The following PDSS2 variants were observed in gnomAD, a reference collection of about 807,000 sequenced individuals.
The protein encoded by PDSS2 is decaprenyl diphosphate synthase subunit 2.
In PDSS2, 31 loss-of-function variants were observed where a neutral mutation model predicts 44.5. The observed-to-expected ratio is 0.70, with a 90% CI of 0.52 to 0.94. The LOEUF is 0.94. PDSS2 is among the 40% of genes least tolerant of loss of function. The pLI, the probability that PDSS2 is intolerant of heterozygous loss-of-function variation, is 0.00. For missense variants in PDSS2, 452 were observed against 482.2 expected, an observed-to-expected ratio of 0.94 and a Z score of 0.59; for synonymous variants, 157 against 180.3, an observed-to-expected ratio of 0.87 and a Z score of 1.03.
At chr6:107,220,746 A>G (rs1012794667) in intron 4 of PDSS2, among the ~76,000 whole-genome samples, 1 of 152,180 alleles carries the variant, frequency 6.6e-6, no homozygotes, top group East Asian at 1.9e-4. Context: ...TAGTCCCCTG[A>G]AATCTACTAC....
intron 7 of PDSS2, among the ~76,000 whole-genome samples, chr6:107,161,348 C>G (rs1159891291): frequency 6.6e-6 from 1 of 151,908 alleles, no homozygotes; most frequent in Non-Finnish European, 1.5e-5. Context: ...GGCGTGGTGC[C>G]GGGCGCCTGT....
chr6:107,284,527 G>T lies in PDSS2; in HGVS notation c.432-10300C>A, dbSNP rs1021395012. Among the ~76,000 whole-genome samples the T allele has an allele frequency of 2.0e-5, 3 of 152,012 alleles. No homozygotes were observed. The East Asian group carries it at 5.8e-4, about 29-fold the overall frequency. On this transcript the variant is annotated intron_variant, in intron 2 of 7. Coordinates refer to ENST00000369037, the MANE Select transcript of PDSS2 (RefSeq NM_020381.4). ...AATACAAAAATTAGCCTGGCGTGGT[G>T]GCAGGCGCCTGTAATCCCAGCTACT...
chr6:107,439,580 T>C (rs1231838884), intron 1 of PDSS2, among the ~76,000 whole-genome samples: 1 of 152,208 alleles, frequency 6.6e-6, no homozygotes, highest in Non-Finnish European at 1.5e-5. Flanking sequence ...GACCTGAGCA[T>C]TATGTTACAG....
intron 7 of PDSS2, among the ~76,000 whole-genome samples, chr6:107,158,099 C>T (rs1260364998): frequency 4.6e-5 from 7 of 151,538 alleles, no homozygotes; most frequent in African/African-American, 1.5e-4. Flanking sequence ...ATTATACAGT[C>T]AAGAGAACAG....
chr6:107,205,008 T>G (rs1384070880), intron 6 of PDSS2, among the ~76,000 whole-genome samples: 1 of 152,218 alleles, frequency 6.6e-6, no homozygotes, highest in Non-Finnish European at 1.5e-5. Context: ...GATATTAATA[T>G]TATTCCTTTT....
At chr6:107,444,792 C>T (rs940392645) in intron 1 of PDSS2, among the ~76,000 whole-genome samples, 2 of 152,086 alleles carry the variant, frequency 1.3e-5, no homozygotes, top group African/African-American at 4.8e-5. Flanking sequence ...CAGTAGTGAA[C>T]TCAGGAACAT....
chr6:107,411,045 T>C (rs1163105874), intron 1 of PDSS2, among the ~76,000 whole-genome samples: 1 of 151,968 alleles, frequency 6.6e-6, no homozygotes, highest in South Asian at 2.1e-4. Flanking sequence ...CTACCATGCC[T>C]GGCTAATTTT....
chr6:107,196,379 A>C (rs1227367401), intron 6 of PDSS2, among the ~76,000 whole-genome samples: 1 of 152,172 alleles, frequency 6.6e-6, no homozygotes, highest in Admixed American at 6.5e-5. Flanking sequence ...CCTGTGACCA[A>C]AATTTCATCA....
chr6:107,234,445 T>G (rs1239198107), intron 4 of PDSS2, among the ~76,000 whole-genome samples: 2 of 152,078 alleles, frequency 1.3e-5, no homozygotes, highest in African/African-American at 4.8e-5. Context: ...CCTTAGGTGA[T>G]CCACCCACCT....
intron 7 of PDSS2, among the ~76,000 whole-genome samples, chr6:107,156,816 G>A (rs1388420691): frequency 6.6e-6 from 1 of 152,156 alleles, no homozygotes; most frequent in East Asian, 1.9e-4. Context: ...TGGCAGCCGA[G>A]GTTGTGAAAT....
intron 7 of PDSS2, among the ~76,000 whole-genome samples, chr6:107,169,088 A>G (rs1554248067): frequency 6.7e-6 from 1 of 150,304 alleles, no homozygotes; most frequent in Admixed American, 6.7e-5. Context: ...ACTTGGTTCC[A>G]TTTTCCCTGT....
At chr6:107,356,556 T>C (rs982744829) in intron 1 of PDSS2, among the ~76,000 whole-genome samples, 1 of 152,340 alleles carries the variant, frequency 6.6e-6, no homozygotes, top group South Asian at 2.1e-4. Flanking sequence ...ATGAATGTCA[T>C]AGATCATAAA....
chr6:107,161,510 C>CT lies in PDSS2; in HGVS notation c.1042-6734dup, dbSNP rs1771133197. On this transcript the variant is annotated intron_variant, in intron 7 of 7. Coordinates refer to ENST00000369037, the MANE Select transcript of PDSS2 (RefSeq NM_020381.4). ...AAAAAAAAAAAAAAAGAAATTTGTA[C>CT]TTTTAAAAAGTGTTCAATTTGTATT... is the stretch of plus-strand genomic sequence containing the variant. Among the ~76,000 whole-genome samples, 3 of 150,312 alleles carry CT rather than the reference C, an allele frequency of 2.0e-5. No homozygotes were observed. The South Asian group carries it at 6.3e-4, about 32-fold the overall frequency.
At chr6:107,409,767 G>A (rs991776534) in intron 1 of PDSS2, among the ~76,000 whole-genome samples, 1 of 152,108 alleles carries the variant, frequency 6.6e-6, no homozygotes, top group African/African-American at 2.4e-5. Flanking sequence ...AAGTAGACAC[G>A]GTTCCTGCCC....
intron 1 of PDSS2, among the ~76,000 whole-genome samples, chr6:107,386,609 A>G (rs1282063790): frequency 6.6e-6 from 1 of 152,200 alleles, no homozygotes; most frequent in Non-Finnish European, 1.5e-5. Flanking sequence ...CAATCTCCTC[A>G]TTTCATAAAA....
chr6:107,284,951 G>A (rs561169802), intron 2 of PDSS2, among the ~76,000 whole-genome samples: 1 of 152,312 alleles, frequency 6.6e-6, no homozygotes, highest in East Asian at 1.9e-4. Flanking sequence ...TCTGAGGTAA[G>A]CTTTATTATC....
At chr6:107,397,233 A>G (rs319122) in intron 1 of PDSS2, among the ~76,000 whole-genome samples, 110,279 of 151,276 alleles carry the variant, frequency 0.73, 40,608 homozygotes, top group Middle Eastern at 0.8. Flanking sequence ...AAACTGTAAT[A>G]TAGTAATACT....
chr6:107,413,914 A>G (rs971861761), intron 1 of PDSS2, among the ~76,000 whole-genome samples: 16 of 152,220 alleles, frequency 1.1e-4, no homozygotes, highest in Non-Finnish European at 2.2e-4. Context: ...GATAAACTGG[A>G]GAGAGAATAG....
At chr6:107,426,579 T>C (rs1415369892) in intron 1 of PDSS2, among the ~76,000 whole-genome samples, 1 of 152,140 alleles carries the variant, frequency 6.6e-6, no homozygotes, top group East Asian at 1.9e-4. Context: ...TTGTACCGTG[T>C]GCCCAGAAAA....
Sources: gnomAD v4.1 joint callset for allele counts (sites outside exome capture counted in the v4.1 genomes callset) on GRCh38, gnomAD v4.1.1 for gene constraint, MANE v1.5 for transcripts, NCBI Gene and HGNC (gene_info 2026-07-23, HGNC 2026-07-21) for gene names.